The following SPIRE1 variants were observed in gnomAD, a reference collection of about 807,000 sequenced individuals.
The protein encoded by SPIRE1 is spire type actin nucleation factor 1.
Under a neutral mutation model 94.1 loss-of-function variants are expected in SPIRE1, and 40 were observed. That is an observed-to-expected ratio of 0.43 (90% CI 0.33 to 0.55). The LOEUF is 0.55. Among genes scored for constraint, SPIRE1 ranks in the 20% least tolerant of loss-of-function variants. SPIRE1 has a pLI of 0.06. For missense variants in SPIRE1, 838 were observed against 975.2 expected, an observed-to-expected ratio of 0.86 and a Z score of 1.87; for synonymous variants, 376 against 371.7, an observed-to-expected ratio of 1.01 and a Z score of -0.13.
intron 2 of SPIRE1, among the ~76,000 whole-genome samples, chr18:12,571,134 G>A (rs757611765): frequency 6.6e-6 from 1 of 152,126 alleles, no homozygotes; most frequent in Non-Finnish European, 1.5e-5. Flanking sequence ...AAACGCAGTT[G>A]CACAACCTCT....
chr18:12,574,028 C>T (rs938611036), intron 2 of SPIRE1, among the ~76,000 whole-genome samples: 5 of 152,128 alleles, frequency 3.3e-5, no homozygotes, highest in East Asian at 1.9e-4. Flanking sequence ...CGTGAGCCAC[C>T]GCTCCCGGCC....
At chr18:12,570,727 G>A (rs967753139) in intron 2 of SPIRE1, among the ~76,000 whole-genome samples, 2 of 152,042 alleles carry the variant, frequency 1.3e-5, no homozygotes, top group South Asian at 4.2e-4. Flanking sequence ...CCACAGAGCC[G>A]CACACCTGGA....
rs137960741 is a variant in SPIRE1, at chr18:12,502,622, A to C, written c.972+3855T>G. The stretch of plus-strand genomic sequence containing the variant: ...AAATTTAAAATATACATTATAAAAG[A>C]AGCAATAAAATGTGCATTATATTGA... On this transcript the variant is annotated intron_variant, in intron 6 of 16. Transcript: ENST00000409402. Among the ~76,000 whole-genome samples the C allele has an allele frequency of 2.5e-4, 38 of 152,350 alleles. No homozygotes were observed. The East Asian group carries it at 7.1e-3, about 29-fold the overall frequency.
At chr18:12,548,080 T>C (rs2144291539) in intron 2 of SPIRE1, among the ~76,000 whole-genome samples, 1 of 152,336 alleles carries the variant, frequency 6.6e-6, no homozygotes, top group Non-Finnish European at 1.5e-5. Context: ...GATACCTCCA[T>C]TTAATAAGAT....
At chr18:12,606,237 T>C (rs1005518306) in intron 2 of SPIRE1, among the ~76,000 whole-genome samples, 2 of 152,124 alleles carry the variant, frequency 1.3e-5, no homozygotes, top group African/African-American at 4.8e-5. Context: ...TACTAGAATG[T>C]ACAGTCTATG....
intron 4 of SPIRE1, among the ~76,000 whole-genome samples, chr18:12,529,277 G>A (rs917976912): frequency 5.3e-5 from 8 of 151,946 alleles, no homozygotes; most frequent in African/African-American, 1.7e-4. Flanking sequence ...GCTGAAGCAG[G>A]AGAATGGTGT....
chr18:12,632,539 CT>C (rs1440501990), intron 2 of SPIRE1, among the ~76,000 whole-genome samples: 2 of 151,932 alleles, frequency 1.3e-5, no homozygotes, highest in East Asian at 1.9e-4. Context: ...TACACAGATA[CT>C]TTTTTTTAAA....
At chr18:12,562,965 TTA>T (rs1235551781) in intron 2 of SPIRE1, among the ~76,000 whole-genome samples, 1 of 152,178 alleles carries the variant, frequency 6.6e-6, no homozygotes, top group Non-Finnish European at 1.5e-5. Context: ...GCAATTAATT[TTA>T]GAGTGGTGAT....
Position 12,454,444 on chromosome 18 carries a change from C to T in SPIRE1, c.1678G>A (p.Val560Met). 1 of 1,614,132 alleles carries T rather than the reference C, an allele frequency of 6.2e-7. No homozygotes were observed. The highest frequency in any genetic ancestry group is 8.5e-7 in the Non-Finnish European group (1 of 1,179,974). ...CYPVECLALT[V>M]EEVMHIRQVL... The stretch of plus-strand genomic sequence containing the variant: ...TGGCGAATATGCATCACTTCTTCCA[C>T]AGTAAGAGCGAGGCATTCCACTGGG... Residue 560 changes from valine (V) to methionine (M), a missense_variant, in exon 13 of 17, where the codon GTG becomes ATG. This residue lies in a region of SPIRE1 where 645 missense variants were observed against 804.7 expected (regional missense o/e 0.80). Transcript: ENST00000409402.
chr18:12,555,586 T>A (rs953354676), intron 2 of SPIRE1, among the ~76,000 whole-genome samples: 4 of 152,190 alleles, frequency 2.6e-5, no homozygotes, highest in African/African-American at 7.2e-5. Flanking sequence ...TTATTCCAAC[T>A]GATGTTGAAA....
At chr18:12,501,638 T>G (rs1475200556) in intron 6 of SPIRE1, among the ~76,000 whole-genome samples, 1 of 152,134 alleles carries the variant, frequency 6.6e-6, no homozygotes, top group African/African-American at 2.4e-5. Flanking sequence ...CGCCTCGGCC[T>G]CCCAAAGTGT....
At chr18:12,463,564 CA>C (rs879783656) in intron 11 of SPIRE1, 71 bp from the exon 12 acceptor site, 1 of 1,220,596 alleles carries the variant, frequency 8.2e-7, no homozygotes, top group Non-Finnish European at 1.2e-6. Context: ...ACATTTGTGA[CA>C]AACACTGTAA....
At chr18:12,557,948 A>C (rs903695018) in intron 2 of SPIRE1, among the ~76,000 whole-genome samples, 65 of 152,174 alleles carry the variant, frequency 4.3e-4, no homozygotes, top group African/African-American at 1.5e-3. Context: ...AATGGCAGGA[A>C]AAATGAGAAA....
At chr18:12,545,684 A>G (rs979248932) in intron 3 of SPIRE1, among the ~76,000 whole-genome samples, 1 of 152,160 alleles carries the variant, frequency 6.6e-6, no homozygotes, top group East Asian at 1.9e-4. Context: ...AACCAACCAA[A>G]CTTGCTTCAT....
chr18:12,457,119 C>A (rs1386729472), intron 12 of SPIRE1, among the ~76,000 whole-genome samples: 1 of 152,134 alleles, frequency 6.6e-6, no homozygotes, highest in Non-Finnish European at 1.5e-5. Context: ...GCATGAGCAA[C>A]CGCGCCTGGC....
chr18:12,531,326 T>C (rs1468332052), intron 4 of SPIRE1, among the ~76,000 whole-genome samples: 1 of 152,198 alleles, frequency 6.6e-6, no homozygotes, highest in Non-Finnish European at 1.5e-5. Context: ...CTCTCTTCTC[T>C]CCAAAGCCAA....
At position 12,482,939 on chromosome 18, in the gene SPIRE1, CT is replaced by C. The variant is rs11373716; in HGVS notation, c.1231+3019del. Among the ~76,000 whole-genome samples, 955 of 128,848 alleles carry C rather than the reference CT, an allele frequency of 7.4e-3. 8 individuals are homozygous for C. Among genetic ancestry groups the C allele is most frequent in the East Asian group, 0.024 (108 of 4,586 alleles). 84.5% of individuals were successfully genotyped at this position (128,848 alleles called of 152,430 possible). A position where few individuals can be genotyped will look rare whatever the true frequency, so the allele number is the denominator to read the frequency against. ...CAGACTGGCAAAAGACTTAATTGCA[CT>C]TTTTTTTTTTTTTTTTTTGAGACAG... On this transcript the variant is annotated intron_variant, in intron 9 of 16. Transcript: ENST00000409402.
rs10164007 is a variant in SPIRE1 at position 12,534,140 on chromosome 18, A to G, written c.729+1336T>C. Among the ~76,000 whole-genome samples, 148 of 152,332 alleles carry G rather than the reference A, an allele frequency of 9.7e-4. 1 individual carries two copies. The highest frequency in any genetic ancestry group is 3.4e-3 in the African/African-American group (140 of 41,580). On this transcript the variant is annotated intron_variant, in intron 4 of 16. Transcript: ENST00000409402. ...TAGCTAGAGCAGAGGAAGGATGCTT[A>G]GAGCTCTTATTCATATATACACAAT...
chr18:12,472,806 T>G (rs189279778), intron 10 of SPIRE1, among the ~76,000 whole-genome samples: 1 of 152,154 alleles, frequency 6.6e-6, no homozygotes, highest in East Asian at 1.9e-4. Context: ...ACTACAGGTG[T>G]GCACCAAATG....
Sources: allele counts gnomAD v4.1 joint callset (sites outside exome capture counted in the v4.1 genomes callset), GRCh38; gene constraint gnomAD v4.1.1; regional missense constraint gnomAD v4.1.1; transcripts MANE v1.5; gene names NCBI Gene and HGNC (gene_info 2026-07-23, HGNC 2026-07-21).